Variants in CCDC27 observed in about 807,000 individuals in gnomAD.
CCDC27 encodes coiled-coil domain-containing protein 27.
Under a neutral mutation model 80.3 loss-of-function variants are expected in CCDC27, and 80 were observed. That is an observed-to-expected ratio of 1.00 (90% CI 0.83 to 1.20). CCDC27 has a LOEUF of 1.20. Ranked by LOEUF, CCDC27 falls within the 50% of genes most tolerant of loss-of-function variation. CCDC27 has a pLI of 0.00. For missense variants in CCDC27, 815 were observed against 809.4 expected (o/e 1.01, Z -0.08); for synonymous variants, 342 against 334.3 (o/e 1.02, Z -0.25).
chr1:3,769,786 G>T lies in CCDC27; in HGVS notation c.1747G>T (p.Glu583Ter). 6.2e-7 allele frequency: 1 copy of T among 1,613,296 alleles called. No individual in the cohort carries two copies. Among genetic ancestry groups the T allele is most frequent in the Non-Finnish European group, 8.5e-7 (1 of 1,179,304 alleles). The change falls in exon 11 of 12, where the codon GAG becomes TAG. Residue 583 changes from glutamate (E) to a stop codon, truncating the protein, a stop_gained. Transcript: ENST00000294600. LOFTEE classifies it high-confidence loss of function. The surrounding 1 kb of genome is among the most constrained non-coding windows in gnomAD (Gnocchi z 4.6). The stretch of plus-strand genomic sequence containing the variant: ...AGTGTTGTCCCTTTGCTCACAGCTC[G>T]AGAGGTTAAGGAATAAGATCATCCA... ...VALESSQSRL[E>*]RLRNKIIQAT...
At position 3,771,467 on chromosome 1, in the gene CCDC27, C is replaced by G. The variant is rs780353796; in HGVS notation, c.1915C>G (p.Leu639Val). ...GCAGAAAGGCGTCAAAGTGCCCCCC[C>G]TGCAACAGTCAGAGGCCTTCCTGAC... ...LKQKGVKVPP[L>V]QQSEAFLTSK... Residue 639 changes from leucine to valine, a missense_variant, in exon 12 of 12, where the codon CTG becomes GTG. Leu to Val is a conservative substitution (Grantham distance 32, BLOSUM62 1). Transcript: ENST00000294600. 4 of 1,613,940 alleles carry G rather than the reference C, an allele frequency of 2.5e-6. No individual in the cohort carries two copies. The highest frequency in any genetic ancestry group is 2.7e-5 in the African/African-American group (2 of 74,918).
intron 8 of CCDC27, among the ~76,000 whole-genome samples, chr1:3,764,079 G>A (rs1181878): frequency 0.26 from 38,771 of 152,042 alleles, 5,205 homozygotes; most frequent in South Asian, 0.33. Flanking sequence ...CTGGGCTGGA[G>A]GCAAGTGTCC....
At chr1:3,770,459 G>C (rs1022150292) in intron 11 of CCDC27, among the ~76,000 whole-genome samples, 2 of 152,208 alleles carry the variant, frequency 1.3e-5, no homozygotes, top group Non-Finnish European at 2.9e-5. Flanking sequence ...TCACTTTTCT[G>C]AGCCATAGAT....
At position 3,752,511 on chromosome 1, in the gene CCDC27, C is replaced by G. The variant is rs748613403; in HGVS notation, c.30C>G (p.Pro10=). The change falls in exon 1 of 12, where the codon CCC becomes CCG. Residue 10 remains proline (P), a synonymous_variant. Coordinates refer to ENST00000294600, the MANE Select transcript of CCDC27 (RefSeq NM_152492.3). MFEAIFPST[P]QARLKRDPRE... ...TCGAGGCCATCTTCCCCTCCACACCCCAAGCCAGGCTGAAGAGAGATCCAC... is the reference window on the plus strand; with the variant it reads ...TCGAGGCCATCTTCCCCTCCACACCGCAAGCCAGGCTGAAGAGAGATCCAC... The G allele has an allele frequency of 1.2e-6, 2 of 1,614,104 alleles. No individual in the cohort carries two copies. Among genetic ancestry groups the G allele is most frequent in the Admixed American group, 3.3e-5 (2 of 60,028 alleles).
Position 3,761,549 on chromosome 1 carries a change from G to A in CCDC27, c.861+119G>A. The A allele has an allele frequency of 8.5e-7, 1 of 1,176,806 alleles. No individual in the cohort carries two copies. Among genetic ancestry groups the A allele is most frequent in the Non-Finnish European group, 1.2e-6 (1 of 846,684 alleles). The allele number at this position is 1,176,806 out of a possible 1,614,324, so 72.9% of individuals were successfully genotyped here. ...CCCCCAGGCCCCCTGGATCCTATCA[G>A]GTCCTCACTGGAACGTGGACCGGTT... On this transcript the variant is annotated intron_variant, in intron 5 of 11. Coordinates refer to ENST00000294600, the MANE Select transcript of CCDC27 (RefSeq NM_152492.3). This position sits in a 1 kb window ranked among gnomAD's most constrained non-coding sequence, Gnocchi z 5.0.
chr1:3,765,870 C>CTT (rs57502840), intron 8 of CCDC27, among the ~76,000 whole-genome samples: 1 of 144,078 alleles, frequency 6.9e-6, no homozygotes, highest in Non-Finnish European at 1.5e-5. Flanking sequence ...TTCTTTTCTC[C>CTT]TTTTTTTTTT....
intron 9 of CCDC27, 146 bp from the exon 10 acceptor site, chr1:3,767,087 C>T (rs993223048): frequency 3.0e-6 from 2 of 675,054 alleles, no homozygotes; most frequent in African/African-American, 1.8e-5. Context: ...GATCCGCCCA[C>T]CGCAGCTTCC....
In CCDC27 at chr1:3,763,455, C is replaced by T. The variant is rs760718398; in HGVS notation, c.1302C>T (p.Thr434=). 9.3e-6 allele frequency: 15 copies of T among 1,604,536 alleles called. 1 individual carries two copies. Among genetic ancestry groups the T allele is most frequent in the Non-Finnish European group, 1.3e-5 (15 of 1,175,794 alleles). ...AGTTCAACCTGGAGGCCACCAGGACCAGATACTCCCTTGCAACAGGTAGGG... is the reference window on the plus strand; with the variant it reads ...AGTTCAACCTGGAGGCCACCAGGACTAGATACTCCCTTGCAACAGGTAGGG... ...DFQFNLEATR[T]RYSLATGVIA... The change falls in exon 7 of 12, where the codon ACC becomes ACT. Residue 434 remains threonine (T), a synonymous_variant. Coordinates refer to ENST00000294600, the MANE Select transcript of CCDC27 (RefSeq NM_152492.3). This position sits in a 1 kb window ranked among gnomAD's most constrained non-coding sequence, Gnocchi z 7.5.
intron 3 of CCDC27, 157 bp from the exon 4 acceptor site, chr1:3,756,576 T>C (rs905522505): frequency 3.0e-5 from 22 of 731,920 alleles, no homozygotes; most frequent in Admixed American, 2.5e-4. Flanking sequence ...GTCCTCAAAA[T>C]GAGGGTGACA....
intron 6 of CCDC27, 149 bp downstream of exon 6, chr1:3,762,861 G>A (rs1008197705): frequency 2.4e-6 from 2 of 830,258 alleles, no homozygotes; most frequent in Non-Finnish European, 3.7e-6. Context: ...TGAGGTGGGT[G>A]GGTCGTTAGC....
Position 3,763,469 on chromosome 1 carries a change from C to T in CCDC27, c.1316C>T (p.Ala439Val). The change falls in exon 7 of 12, where the codon GCA (alanine) becomes GTA (valine). Residue 439 changes from alanine (A) to valine (V), a missense_variant. Coordinates refer to ENST00000294600, the MANE Select transcript of CCDC27 (RefSeq NM_152492.3). This position sits in a 1 kb window ranked among gnomAD's most constrained non-coding sequence, Gnocchi z 7.5. ...LEATRTRYSL[A>V]TGVIASLQQQ... is the part of the protein sequence containing the mutation. ...GCCACCAGGACCAGATACTCCCTTGCAACAGGTAGGGCCTCGGCGGGGGGC... is the reference window on the plus strand; with the variant it reads ...GCCACCAGGACCAGATACTCCCTTGTAACAGGTAGGGCCTCGGCGGGGGGC... 1 of 1,598,252 alleles carries T rather than the reference C, an allele frequency of 6.3e-7. No individual in the cohort carries two copies. The highest frequency in any genetic ancestry group is 8.5e-7 in the Non-Finnish European group (1 of 1,172,460).
chr1:3,753,890 G>T (rs965885946), intron 1 of CCDC27, among the ~76,000 whole-genome samples: 1 of 152,120 alleles, frequency 6.6e-6, no homozygotes, highest in Non-Finnish European at 1.5e-5. Flanking sequence ...AGAAGCTCTC[G>T]GTGGGCAGCC....
intron 4 of CCDC27, among the ~76,000 whole-genome samples, chr1:3,759,718 A>T (rs1006290265): frequency 1.3e-5 from 2 of 152,142 alleles, no homozygotes; most frequent in Non-Finnish European, 2.9e-5. Context: ...GGGGTCCATG[A>T]TATTCATTTT....
chr1:3,769,818 CT>C lies in CCDC27; in HGVS notation c.1782del (p.Phe594LeufsTer36). 6.2e-7 allele frequency: 1 copy of C among 1,614,036 alleles called. No individual in the cohort carries two copies. Among genetic ancestry groups the C allele is most frequent in the Non-Finnish European group, 8.5e-7 (1 of 1,179,946 alleles). On this transcript the variant is annotated frameshift_variant, in exon 11 of 12. Coordinates refer to ENST00000294600, the MANE Select transcript of CCDC27 (RefSeq NM_152492.3). LOFTEE classifies it high-confidence loss of function. This position sits in a 1 kb window ranked among gnomAD's most constrained non-coding sequence, Gnocchi z 4.6. ...TAAGGAATAAGATCATCCAGGCCAC[CT>C]TTAGCATCTCCGGGACCAAGTCCTT... Reference protein sequence around the residue: ...RLRNKIIQATFSISGTKSLAN... With the variant: ...RLRNKIIQATXSISGTKSLAN...
At chr1:3,767,971 A>C (rs1442084039) in intron 10 of CCDC27, among the ~76,000 whole-genome samples, 1 of 151,836 alleles carries the variant, frequency 6.6e-6, no homozygotes. Context: ...TGGTGCTGGG[A>C]TTTGGCAGTC....
chr1:3,769,721 G>A lies in CCDC27; in HGVS notation c.1744-62G>A. On this transcript the variant is annotated intron_variant, in intron 10 of 11. Transcript: ENST00000294600. This position sits in a 1 kb window ranked among gnomAD's most constrained non-coding sequence, Gnocchi z 4.6. ...AAAAAATAAGGTGGTGGGGGGTGCA[G>A]CCCACTGGCCAGGTGCCTTCTTGGG... 1 of 1,144,994 alleles carries A rather than the reference G, an allele frequency of 8.7e-7. No individual in the cohort carries two copies. Among genetic ancestry groups the A allele is most frequent in the Non-Finnish European group, 1.3e-6 (1 of 752,164 alleles). 70.9% of individuals were successfully genotyped at this position (1,144,994 alleles called of 1,614,324 possible).
chr1:3,754,427 A>AG lies in CCDC27; in HGVS notation c.442+192dup, dbSNP rs756609258. Among the ~76,000 whole-genome samples, 8 of 152,146 alleles carry AG rather than the reference A, an allele frequency of 5.3e-5. 1 individual carries two copies. The highest frequency in any genetic ancestry group is 3.9e-4 in the Admixed American group (6 of 15,288). ...AGGGCAGCAATGAAGCTGGGGGTGG[A>AG]GGGGGGCCCACTTCTCCTGGCCACT... On this transcript the variant is annotated intron_variant, in intron 2 of 11. Transcript: ENST00000294600.
Position 3,752,673 on chromosome 1 carries a change from C to A in CCDC27, c.192C>A (p.Ala64=), listed in dbSNP as rs765183375. The A allele has an allele frequency of 1.1e-5, 18 of 1,614,044 alleles. No individual in the cohort carries two copies. In the Admixed American group the frequency reaches 3.0e-4, roughly 27 times the overall value. Residue 64 remains alanine, a synonymous_variant, in exon 1 of 12, where the codon GCC becomes GCA. Coordinates refer to ENST00000294600, the MANE Select transcript of CCDC27 (RefSeq NM_152492.3). ...QRHSSMSSSM[A]RALVLLQSMA... Reference sequence around the variant, plus strand: ...ACAGTTCGATGTCCAGCTCGATGGCCAGGGCCCTGGTGCTCCTCCAGAGCA... The same window carrying A: ...ACAGTTCGATGTCCAGCTCGATGGCAAGGGCCCTGGTGCTCCTCCAGAGCA...
chr1:3,754,400 C>G (rs919446856), intron 2 of CCDC27, among the ~76,000 whole-genome samples, 159 bp downstream of exon 2: 2 of 152,156 alleles, frequency 1.3e-5, no homozygotes, highest in African/African-American at 4.8e-5. Flanking sequence ...GCTCAGGGAG[C>G]CAGGGCAGCA....
Sources: allele counts gnomAD v4.1 joint callset (sites outside exome capture counted in the v4.1 genomes callset), GRCh38; gene constraint gnomAD v4.1.1; non-coding constraint Gnocchi (gnomAD v3.1); transcripts MANE v1.5; gene names NCBI Gene and HGNC (gene_info 2026-07-23, HGNC 2026-07-21).